PLXNA1: variants seen among roughly 807,000 people sequenced by gnomAD.
The protein encoded by PLXNA1 is plexin-A1.
A neutral mutation model predicts 191.7 loss-of-function variants in PLXNA1; 77 were observed. The observed-to-expected ratio is 0.40, with a 90% CI of 0.33 to 0.49. PLXNA1 has a LOEUF of 0.49. PLXNA1 is among the 20% of genes least tolerant of loss of function. The probability of loss-of-function intolerance (pLI) is 0.63; values close to 1 mark genes in which losing one functional copy is unlikely to be tolerated. For missense variants in PLXNA1, 2,110 were observed against 2,660.2 expected, an observed-to-expected ratio of 0.79 and a Z score of 4.55; for synonymous variants, 1,137 against 1,156.4, an observed-to-expected ratio of 0.98 and a Z score of 0.34.
chr3:126,999,913 G>A (rs550989658), intron 3 of PLXNA1, among the ~76,000 whole-genome samples: 2 of 152,256 alleles, frequency 1.3e-5, no homozygotes, highest in Admixed American at 1.3e-4. Context: ...TCGGCTCCGA[G>A]CCCAGGGTCG....
intron 14 of PLXNA1, 87 bp from the exon 15 acceptor site, chr3:127,015,096 TG>T: frequency 6.6e-7 from 1 of 1,525,432 alleles, no homozygotes; most frequent in Non-Finnish European, 8.8e-7. Flanking sequence ...GAACTGTCTG[TG>T]GGGGTAAGCA....
rs540555960 is a variant in PLXNA1, at chr3:127,017,598, C to T, written c.3450C>T (p.Pro1150=). ...CCTCCTTCCTCTACTACCCTGACCC[C>T]GTACTGGAGCCACTCAGCCCCACTG... ...NSTSFLYYPD[P]VLEPLSPTGL... The change falls in exon 18 of 32, where the codon CCC becomes CCT. Residue 1150 remains proline, a synonymous_variant. Transcript: ENST00000393409. 3.2e-5 allele frequency: 52 copies of T among 1,613,602 alleles called. No homozygotes were observed. Among genetic ancestry groups the T allele is most frequent in the Non-Finnish European group, 4.2e-5 (50 of 1,180,022 alleles).
At chr3:127,021,122 CTGTT>C (rs2079150372) in intron 21 of PLXNA1, among the ~76,000 whole-genome samples, 1 of 152,166 alleles carries the variant, frequency 6.6e-6, no homozygotes, top group Non-Finnish European at 1.5e-5. Context: ...TGTGGTGACT[CTGTT>C]GGTGGGAAGT....
intron 4 of PLXNA1, among the ~76,000 whole-genome samples, chr3:127,004,175 C>T (rs1056146489): frequency 1.3e-5 from 2 of 152,232 alleles, no homozygotes; most frequent in Non-Finnish European, 2.9e-5. Context: ...CCTCCGTGGG[C>T]ACTGGGATGC....
chr3:127,018,213 G>C (rs2079134926), intron 19 of PLXNA1, 81 bp from the exon 20 acceptor site: 1 of 1,244,096 alleles, frequency 8.0e-7, no homozygotes, highest in African/African-American at 1.5e-5. Context: ...GGTGTTGGGG[G>C]TGGGTCTTGC....
intron 3 of PLXNA1, among the ~76,000 whole-genome samples, chr3:126,992,629 G>C (rs530052441): frequency 4.6e-5 from 7 of 152,186 alleles, no homozygotes; most frequent in African/African-American, 1.7e-4. Context: ...GCTCTGGGCT[G>C]GGGGCGGGGG....
intron 10 of PLXNA1, among the ~76,000 whole-genome samples, chr3:127,012,747 G>A (rs1029533479): frequency 7.2e-5 from 11 of 152,260 alleles, no homozygotes; most frequent in African/African-American, 2.4e-4. Flanking sequence ...GGTGCAGTGC[G>A]TTCAGTGACG....
chr3:126,983,372 G>A (rs1244761511), intron 1 of PLXNA1, among the ~76,000 whole-genome samples, 85 bp downstream of exon 1: 8 of 145,448 alleles, frequency 5.5e-5, no homozygotes, highest in Admixed American at 5.5e-4. Context: ...GGCGGCCCGT[G>A]GGTGGGCGCG....
In PLXNA1 at chr3:127,022,137, A is replaced by G; in HGVS notation, c.4091A>G (p.Lys1364Arg). 4 of 1,613,310 alleles carry G rather than the reference A, an allele frequency of 2.5e-6. No homozygotes were observed. Among genetic ancestry groups the G allele is most frequent in the East Asian group, 2.2e-5 (1 of 44,882 alleles). Residue 1364 changes from lysine to arginine, a missense_variant, in exon 22 of 32, where the codon AAG (lysine) becomes AGG (arginine). Coordinates refer to ENST00000393409, the MANE Select transcript of PLXNA1 (RefSeq NM_032242.4). Reference sequence around the variant, plus strand: ...ACACTGTTCGGGCAGCTGCTGACCAAGAAGCACTTCCTGCTGACCTTCATC... The same window carrying G: ...ACACTGTTCGGGCAGCTGCTGACCAGGAAGCACTTCCTGCTGACCTTCATC... ...SLTLFGQLLT[K>R]KHFLLTFIRT... is the part of the protein sequence containing the mutation.
intron 12 of PLXNA1, 32 bp downstream of exon 12, chr3:127,014,407 T>G (rs1249212990): frequency 8.4e-7 from 1 of 1,195,340 alleles, no homozygotes; most frequent in East Asian, 2.4e-5. Context: ...CCACACCCCA[T>G]GCCCCGCCCT....
intron 23 of PLXNA1, chr3:127,026,789 G>A (rs56381251): frequency 6.6e-6 from 1 of 152,248 alleles, no homozygotes; most frequent in African/African-American, 2.4e-5. Context: ...CTCCATTGAG[G>A]TGTACACACA....
chr3:126,989,325 C>G lies in PLXNA1; in HGVS notation c.732C>G (p.Ile244Met). The change falls in exon 2 of 32, where the codon ATC becomes ATG. Residue 244 changes from isoleucine (I) to methionine (M), a missense_variant. This residue lies in a region of PLXNA1 where 903 missense variants were observed against 1,015.7 expected (regional missense o/e 0.89). Coordinates refer to ENST00000393409, the MANE Select transcript of PLXNA1 (RefSeq NM_032242.4). ...DTLSKFPAFD[I>M]YYVYSFRSEQ... ...TGTCCAAGTTCCCGGCCTTTGACAT[C>G]TACTATGTGTACAGCTTCCGCAGCG... The G allele has an allele frequency of 6.2e-7, 1 of 1,613,690 alleles. No homozygotes were observed. The highest frequency in any genetic ancestry group is 8.5e-7 in the Non-Finnish European group (1 of 1,180,050).
chr3:126,992,770 G>A (rs927708172), intron 3 of PLXNA1, among the ~76,000 whole-genome samples: 3 of 152,024 alleles, frequency 2.0e-5, no homozygotes, highest in Non-Finnish European at 4.4e-5. Context: ...AAAGTCCTGT[G>A]ACCCCTGAGT....
chr3:127,028,198 C>T lies in PLXNA1; in HGVS notation c.4527C>T (p.Asn1509=). 4.3e-6 allele frequency: 7 copies of T among 1,613,240 alleles called. No individual in the cohort carries two copies. Among genetic ancestry groups the T allele is most frequent in the South Asian group, 2.2e-5 (2 of 91,084 alleles). ...DYKTLTLNCV[N]PENENAPEVP... ...GCCCGCAGACCCTGAACTGTGTGAACCCTGAGAATGAGAATGCACCTGAGG... is the reference window on the plus strand; with the variant it reads ...GCCCGCAGACCCTGAACTGTGTGAATCCTGAGAATGAGAATGCACCTGAGG... Residue 1509 remains asparagine (N), a synonymous_variant, in exon 25 of 32, where the codon AAC becomes AAT. Coordinates refer to ENST00000393409, the MANE Select transcript of PLXNA1 (RefSeq NM_032242.4).
intron 5 of PLXNA1, 31 bp downstream of exon 5, chr3:127,004,742 G>A (rs367810185): frequency 3.3e-4 from 525 of 1,581,108 alleles, no homozygotes; most frequent in Non-Finnish European, 4.3e-4. Context: ...AGGGGCAGGC[G>A]GGGAGGGCCA....
chr3:126,985,132 C>G (rs1363440226), intron 1 of PLXNA1, among the ~76,000 whole-genome samples: 1 of 152,116 alleles, frequency 6.6e-6, no homozygotes, highest in African/African-American at 2.4e-5. Flanking sequence ...TTGGACTCTT[C>G]CTTGTGGGGA....
Position 127,034,176 on chromosome 3 carries a change from C to T in PLXNA1, c.*159C>T, listed in dbSNP as rs1355526877. 6.5e-6 allele frequency: 4 copies of T among 619,068 alleles called. No individual in the cohort carries two copies. Among genetic ancestry groups the T allele is most frequent in the Non-Finnish European group, 8.5e-6 (3 of 353,844 alleles). The allele number at this position is 619,068 out of a possible 1,614,324, so 38.3% of individuals were successfully genotyped here. A position where few individuals can be genotyped will look rare whatever the true frequency, so the allele number is the denominator to read the frequency against. The stretch of plus-strand genomic sequence containing the variant: ...CTCCCCTGCCTCACCCGGTCGGGTC[C>T]CGGCTCTTCCTGTGTGGAGGTGATG... On this transcript the variant is annotated 3_prime_UTR_variant, in exon 32 of 32. Transcript: ENST00000393409.
At chr3:126,998,355 A>C (rs921566198) in intron 3 of PLXNA1, among the ~76,000 whole-genome samples, 1 of 151,976 alleles carries the variant, frequency 6.6e-6, no homozygotes, top group Non-Finnish European at 1.5e-5. Flanking sequence ...AGGATGGAGG[A>C]GAGAGGGCAC....
At chr3:126,994,385 G>C (rs753512990) in intron 3 of PLXNA1, among the ~76,000 whole-genome samples, 4 of 152,178 alleles carry the variant, frequency 2.6e-5, no homozygotes, top group Non-Finnish European at 4.4e-5. Context: ...TGGGGTGGCT[G>C]CCTGTTCCAT....
Sources: gnomAD v4.1 joint callset for allele counts (sites outside exome capture counted in the v4.1 genomes callset) on GRCh38, gnomAD v4.1.1 for gene constraint, gnomAD v4.1.1 regional missense constraint, MANE v1.5 for transcripts, NCBI Gene and HGNC (gene_info 2026-07-23, HGNC 2026-07-21) for gene names.